FAM20C: variants seen among roughly 807,000 people sequenced by gnomAD.
FAM20C encodes the protein extracellular serine/threonine protein kinase FAM20C.
In FAM20C, 40 loss-of-function variants were observed where a neutral mutation model predicts 51.5. That is an observed-to-expected ratio of 0.78 (90% CI 0.60 to 1.01). FAM20C has a LOEUF of 1.01. Ranked by LOEUF, FAM20C falls within the 50% of genes least tolerant of loss-of-function variation. The pLI is 0.00. For missense variants in FAM20C, 861 were observed against 844.7 expected, an observed-to-expected ratio of 1.02 and a Z score of -0.24; for synonymous variants, 406 against 380.6, an observed-to-expected ratio of 1.07 and a Z score of -0.78.
intron 2 of FAM20C, among the ~76,000 whole-genome samples, chr7:199,647 G>T (rs1017975312): frequency 1.3e-5 from 2 of 152,280 alleles, no homozygotes; most frequent in South Asian, 2.1e-4. Flanking sequence ...TTCATGGAGC[G>T]CCACGTGGTC....
At chr7:223,037 G>A (rs1267910026) in intron 3 of FAM20C, among the ~76,000 whole-genome samples, 2 of 38,146 alleles carry the variant, frequency 5.2e-5, no homozygotes, top group East Asian at 2.0e-3. Context: ...GCATGTGTAT[G>A]TGAGGGCGTG....
At chr7:233,517 G>C (rs1262835345) in intron 3 of FAM20C, among the ~76,000 whole-genome samples, 1 of 152,200 alleles carries the variant, frequency 6.6e-6, no homozygotes, top group Non-Finnish European at 1.5e-5. Context: ...GGTCTAAAAG[G>C]ACGTGCAGGC....
Position 258,665 on chromosome 7 carries a change from G to A in FAM20C, c.1465G>A (p.Asp489Asn), listed in dbSNP as rs946092624. 1.0e-5 allele frequency: 16 copies of A among 1,536,622 alleles called. No individual in the cohort carries two copies. Among genetic ancestry groups the A allele is most frequent in the Admixed American group, 2.0e-5 (1 of 50,958 alleles). ...TGGAAGGTTTGGGAAGTATTCGCACGACGAGCTCTCCATCCTGGTGCCGCT... is the reference window on the plus strand; with the variant it reads ...TGGAAGGTTTGGGAAGTATTCGCACAACGAGCTCTCCATCCTGGTGCCGCT... ...NGRGFGKYSH[D>N]ELSILVPLQQ... Residue 489 changes from aspartate (D) to asparagine (N), a missense_variant, in exon 9 of 10, where the codon GAC becomes AAC. Transcript: ENST00000313766.
At chr7:255,478 C>G (rs1018949953) in intron 5 of FAM20C, among the ~76,000 whole-genome samples, 1 of 152,184 alleles carries the variant, frequency 6.6e-6, no homozygotes, top group Admixed American at 6.5e-5. Context: ...ATGCTAGATC[C>G]TCAGATGTGC....
intron 3 of FAM20C, among the ~76,000 whole-genome samples, chr7:222,668 T>C (rs994825320): frequency 6.6e-6 from 1 of 152,060 alleles, no homozygotes; most frequent in Non-Finnish European, 1.5e-5. Flanking sequence ...AACCAAAGGC[T>C]GGAGAGCAGC....
chr7:232,595 T>G (rs950977248), intron 3 of FAM20C, among the ~76,000 whole-genome samples: 8 of 152,214 alleles, frequency 5.3e-5, no homozygotes, highest in Admixed American at 1.3e-4. Context: ...GCTGCCAGTT[T>G]CCTCTATTTT....
At chr7:206,283 C>G (rs1202430276) in intron 2 of FAM20C, among the ~76,000 whole-genome samples, 2 of 152,224 alleles carry the variant, frequency 1.3e-5, no homozygotes, top group East Asian at 3.8e-4. Context: ...CAGCCCCAGC[C>G]TCTCCCACCT....
At chr7:259,459 T>TCG in intron 9 of FAM20C, among the ~76,000 whole-genome samples, 1 of 149,508 alleles carries the variant, frequency 6.7e-6, no homozygotes, top group Non-Finnish European at 1.5e-5. Flanking sequence ...TGTCTCTGTC[T>TCG]CTCTCTCTGT....
At chr7:204,940 G>C (rs1263107433) in intron 2 of FAM20C, among the ~76,000 whole-genome samples, 1 of 152,278 alleles carries the variant, frequency 6.6e-6, no homozygotes, top group Non-Finnish European at 1.5e-5. Context: ...TGGCACTCTT[G>C]TGGCCCTTGC....
rs1250076373 is a variant in FAM20C, at chr7:209,588, G to A, written c.863+612G>A. Among the ~76,000 whole-genome samples the A allele has an allele frequency of 2.6e-5, 4 of 152,314 alleles. No individual in the cohort carries two copies. The East Asian group carries it at 5.8e-4, about 22-fold the overall frequency. ...ACCAAAACCGATAACACAGCGCTCC[G>A]TGGCACGCGACAGCTCGTGGTGAGG... On this transcript the variant is annotated intron_variant, in intron 3 of 9. Coordinates refer to ENST00000313766, the MANE Select transcript of FAM20C (RefSeq NM_020223.4).
intron 3 of FAM20C, among the ~76,000 whole-genome samples, chr7:232,751 C>T (rs1030542128): frequency 6.6e-6 from 1 of 152,238 alleles, no homozygotes; most frequent in African/African-American, 2.4e-5. Flanking sequence ...TGCCTAGCGC[C>T]GCGGCTGACC....
At chr7:210,622 C>T (rs917103839) in intron 3 of FAM20C, among the ~76,000 whole-genome samples, 16 of 152,200 alleles carry the variant, frequency 1.1e-4, no homozygotes, top group African/African-American at 3.4e-4. Flanking sequence ...TTTTCAGCCT[C>T]GCAAATGTTT....
At chr7:227,302 G>A (rs1019972540) in intron 3 of FAM20C, among the ~76,000 whole-genome samples, 2 of 151,956 alleles carry the variant, frequency 1.3e-5, no homozygotes, top group African/African-American at 4.8e-5. Context: ...TCCTCGTACT[G>A]GGGACGAAAA....
chr7:220,965 G>A (rs1266725672), intron 3 of FAM20C, among the ~76,000 whole-genome samples: 4 of 147,632 alleles, frequency 2.7e-5, no homozygotes, highest in Non-Finnish European at 6.0e-5. Context: ...TTAGCATCTG[G>A]GCACAGGGCG....
intron 3 of FAM20C, among the ~76,000 whole-genome samples, chr7:216,577 C>A (rs891994145): frequency 6.6e-6 from 1 of 151,824 alleles, no homozygotes; most frequent in Non-Finnish European, 1.5e-5. Context: ...GACACCTGCC[C>A]TCCCTGCTCT....
intron 8 of FAM20C, 104 bp from the exon 9 acceptor site, chr7:258,542 G>T: frequency 8.6e-7 from 1 of 1,161,774 alleles, no homozygotes; most frequent in Non-Finnish European, 1.2e-6. Context: ...CACTGCCTGG[G>T]GTGTCGGGTA....
In FAM20C at chr7:235,426, G is replaced by A. The variant is rs910654050; in HGVS notation, c.864-10989G>A. 4.9e-4 allele frequency among the ~76,000 whole-genome samples: 75 copies of A among 152,316 alleles called. 1 individual carries two copies. The highest frequency in any genetic ancestry group is 4.6e-3 in the Admixed American group (70 of 15,310). On this transcript the variant is annotated intron_variant, in intron 3 of 9. Transcript: ENST00000313766. ...CCTACGTCCACGTGAGGGGCTGCAG[G>A]TGTGAGTCTCAGGACAAATGCACCT...
intron 3 of FAM20C, among the ~76,000 whole-genome samples, chr7:218,371 G>A (rs1787100578): frequency 6.6e-6 from 1 of 152,234 alleles, no homozygotes; most frequent in Non-Finnish European, 1.5e-5. Flanking sequence ...CGGGGCCTCC[G>A]TCCAGTGCCG....
chr7:242,215 A>G (rs2115135035), intron 3 of FAM20C, among the ~76,000 whole-genome samples: 1 of 152,324 alleles, frequency 6.6e-6, no homozygotes, highest in African/African-American at 2.4e-5. Context: ...TCTGGGAGGC[A>G]GCTGCTCTTT....
Sources: gnomAD v4.1 joint callset for allele counts (sites outside exome capture counted in the v4.1 genomes callset) on GRCh38, gnomAD v4.1.1 for gene constraint, MANE v1.5 for transcripts, NCBI Gene and HGNC (gene_info 2026-07-23, HGNC 2026-07-21) for gene names.